Variants in CELF2 observed in about 807,000 individuals in gnomAD.
CELF2 encodes the protein CUG triplet repeat RNA-binding protein 2.
Under a neutral mutation model 62.6 loss-of-function variants are expected in CELF2, and 8 were observed. That is an observed-to-expected ratio of 0.13 (90% CI 0.07 to 0.23). The LOEUF (loss-of-function observed/expected upper bound fraction) is 0.23, where lower values mean the gene tolerates loss of function less well. Among genes scored for constraint, CELF2 ranks in the 10% least tolerant of loss-of-function variants. The pLI is 1.00. For synonymous variants in CELF2, 258 were observed against 250.0 expected, an observed-to-expected ratio of 1.03 and a Z score of -0.30; for missense variants, 333 against 671.0, an observed-to-expected ratio of 0.50 and a Z score of 5.56.
At chr10:11,248,325 C>T (rs553845989) in intron 3 of CELF2, among the ~76,000 whole-genome samples, 10 of 152,234 alleles carry the variant, frequency 6.6e-5, no homozygotes, top group East Asian at 3.9e-4. Context: ...ATGGGTCCCC[C>T]GGGTCCACTG....
chr10:11,058,765 G>A (rs936654300), intron 1 of CELF2, among the ~76,000 whole-genome samples: 8 of 150,338 alleles, frequency 5.3e-5, no homozygotes, highest in African/African-American at 2.0e-4. Flanking sequence ...ACCGCGCCCG[G>A]GCTTTTTTGT....
intron 1 of CELF2, among the ~76,000 whole-genome samples, chr10:11,100,266 A>G (rs1468229447): frequency 1.3e-5 from 2 of 152,064 alleles, no homozygotes; most frequent in Non-Finnish European, 2.9e-5. Context: ...ATAGTCACCC[A>G]AGGCCAACAA....
chr10:10,895,420 A>G (rs905780412), intron 1 of CELF2, among the ~76,000 whole-genome samples: 1 of 152,218 alleles, frequency 6.6e-6, no homozygotes, highest in Admixed American at 6.5e-5. Context: ...AAATGTAGAA[A>G]GTATGGCCGT....
chr10:10,791,177 G>A, the CELF2 span, among the ~76,000 whole-genome samples: 1 of 152,076 alleles, frequency 6.6e-6, no homozygotes. Context: ...AAAAAATGTT[G>A]ATGTACAATA....
the CELF2 span, among the ~76,000 whole-genome samples, chr10:10,561,288 C>T: frequency 1.5e-3 from 235 of 152,264 alleles, 2 homozygotes; most frequent in South Asian, 5.6e-3. Flanking sequence ...GACCCAACCC[C>T]GGGAGAAGAC....
At chr10:10,560,799 A>G in the CELF2 span, among the ~76,000 whole-genome samples, 1 of 152,176 alleles carries the variant, frequency 6.6e-6, no homozygotes, top group African/African-American at 2.4e-5. Context: ...TGGATAAAAA[A>G]CTCTGATATA....
the CELF2 span, among the ~76,000 whole-genome samples, chr10:10,555,263 C>A: frequency 6.7e-6 from 1 of 148,330 alleles, no homozygotes; most frequent in Non-Finnish European, 1.5e-5. Context: ...CAGAGAGAAA[C>A]CTGGGAGGCC....
chr10:10,804,283 A>G (rs1343289146), intron 1 of CELF2, among the ~76,000 whole-genome samples: 2 of 152,230 alleles, frequency 1.3e-5, no homozygotes, highest in Non-Finnish European at 2.9e-5. Context: ...CATAGATGGT[A>G]TGTAAACAGC....
chr10:10,808,589 C>G lies in CELF2; in HGVS notation c.53+9772C>G, dbSNP rs545471069. On this transcript the variant is annotated intron_variant, in intron 1 of 13. Coordinates refer to the CELF2 transcript ENST00000636488. ...GATCACAGGTCACTGCGAAACAATC[C>G]TTAGTTAAGTATCTAACCAATGTGA... Among the ~76,000 whole-genome samples, 5 of 152,238 alleles carry G rather than the reference C, an allele frequency of 3.3e-5. No homozygotes were observed. In the South Asian group the frequency reaches 1.0e-3, roughly 32 times the overall value.
At chr10:10,477,770 C>CAA in the CELF2 span, among the ~76,000 whole-genome samples, 13,181 of 119,126 alleles carry the variant, frequency 0.11, 823 homozygotes, top group East Asian at 0.3. Flanking sequence ...CCTGCAACAC[C>CAA]AAAAAAAAAA....
At chr10:10,650,693 T>C in the CELF2 span, among the ~76,000 whole-genome samples, 1 of 152,198 alleles carries the variant, frequency 6.6e-6, no homozygotes, top group African/African-American at 2.4e-5. Context: ...TGTGCAAGAA[T>C]GTGGGGAAGA....
chr10:10,862,425 T>C (rs140186964), intron 1 of CELF2, among the ~76,000 whole-genome samples: 8 of 152,258 alleles, frequency 5.3e-5, no homozygotes, highest in Non-Finnish European at 1.0e-4. Context: ...TGGAACTCAT[T>C]TGGGCTGTCA....
chr10:11,076,025 ACT>A (rs1247969822), intron 1 of CELF2, among the ~76,000 whole-genome samples: 1 of 152,006 alleles, frequency 6.6e-6, no homozygotes, highest in African/African-American at 2.4e-5. Context: ...CATTAGTTTA[ACT>A]CTCTCTTGAA....
chr10:10,557,395 C>G, the CELF2 span, among the ~76,000 whole-genome samples: 2 of 150,014 alleles, frequency 1.3e-5, no homozygotes, highest in South Asian at 2.2e-4. Flanking sequence ...TGATCTATAT[C>G]TCTGTTTTGG....
At chr10:10,800,495 G>A (rs138369984) in intron 1 of CELF2, among the ~76,000 whole-genome samples, 695 of 152,232 alleles carry the variant, frequency 4.6e-3, no homozygotes, top group Middle Eastern at 0.01. Flanking sequence ...GGGATTACAG[G>A]TGCCTACCAC....
intron 2 of CELF2, among the ~76,000 whole-genome samples, chr10:10,978,461 G>A (rs913147287): frequency 6.6e-6 from 1 of 152,070 alleles, no homozygotes; most frequent in Non-Finnish European, 1.5e-5. Flanking sequence ...AATTAAGATG[G>A]CAAGAACAGA....
At chr10:10,628,129 C>T in the CELF2 span, among the ~76,000 whole-genome samples, 2 of 152,258 alleles carry the variant, frequency 1.3e-5, no homozygotes, top group East Asian at 3.9e-4. Flanking sequence ...TCTCAAACTC[C>T]TGGCCTCAGG....
the CELF2 span, among the ~76,000 whole-genome samples, chr10:10,668,211 A>T: frequency 6.6e-6 from 1 of 152,342 alleles, no homozygotes; most frequent in East Asian, 1.9e-4. Flanking sequence ...AGTACTTCTT[A>T]TCACGTGTAA....
the CELF2 span, among the ~76,000 whole-genome samples, chr10:10,624,606 C>A: frequency 3.3e-5 from 5 of 152,218 alleles, no homozygotes; most frequent in Non-Finnish European, 7.3e-5. Flanking sequence ...CCACGCCCAG[C>A]ATCATGTTTT....
Sources: gnomAD v4.1 joint callset for allele counts (sites outside exome capture counted in the v4.1 genomes callset) on GRCh38, gnomAD v4.1.1 for gene constraint, MANE v1.5 for transcripts, NCBI Gene and HGNC (gene_info 2026-07-23, HGNC 2026-07-21) for gene names.